ERC2: variants seen among roughly 807,000 people sequenced by gnomAD.
ERC2 encodes the protein ELKS/RAB6-interacting/CAST family member 2, also known as ERC protein 2.
A neutral mutation model predicts 114.8 loss-of-function variants in ERC2; 42 were observed. The observed-to-expected ratio is 0.37, with a 90% CI of 0.29 to 0.47. The LOEUF is 0.47. Among genes scored for constraint, ERC2 ranks in the 20% least tolerant of loss-of-function variants. ERC2 has a pLI of 0.99. For synonymous variants in ERC2, 454 were observed against 425.5 expected (o/e 1.07, Z -0.82); for missense variants, 939 against 1,150.7 (o/e 0.82, Z 2.66).
At chr3:55,782,133 C>T (rs969156092) in intron 14 of ERC2, among the ~76,000 whole-genome samples, 1 of 152,138 alleles carries the variant, frequency 6.6e-6, no homozygotes, top group Non-Finnish European at 1.5e-5. Flanking sequence ...CTTTCTCACA[C>T]CTTGGCTGGA....
In ERC2 at chr3:55,779,017, T is replaced by A. The variant is rs151260022; in HGVS notation, c.2565-44099A>T. Among the ~76,000 whole-genome samples the A allele has an allele frequency of 2.1e-4, 32 of 151,010 alleles. No individual in the cohort carries two copies. In the South Asian group the frequency reaches 2.3e-3, roughly 11 times the overall value. On this transcript the variant is annotated intron_variant, in intron 14 of 17. Transcript: ENST00000288221. The stretch of plus-strand genomic sequence containing the variant: ...GGACAATACTCTAGCAAAACAAAAA[T>A]AATAGGGAAGAGGCAGATAATCTAA...
At chr3:55,537,052 G>C (rs549269383) in intron 17 of ERC2, among the ~76,000 whole-genome samples, 1 of 152,274 alleles carries the variant, frequency 6.6e-6, no homozygotes, top group South Asian at 2.1e-4. Flanking sequence ...ATGCAAGGAG[G>C]GCTTTTCCCA....
chr3:56,434,183 G>GT, intron 2 of ERC2, 168 bp downstream of exon 2: 4 of 621,364 alleles, frequency 6.4e-6, no homozygotes, highest in Non-Finnish European at 1.1e-5. Flanking sequence ...AGCTGTAATG[G>GT]TATATTTCCT....
intron 14 of ERC2, among the ~76,000 whole-genome samples, chr3:55,850,845 A>AACACACACACACACACACACAC: frequency 7.9e-6 from 1 of 125,956 alleles, no homozygotes; most frequent in South Asian, 3.0e-4. Flanking sequence ...CTCTTTTTCA[A>AACACACACACACACACACACAC]ACACACACAC....
intron 13 of ERC2, among the ~76,000 whole-genome samples, chr3:55,899,114 G>A (rs868081459): frequency 6.6e-6 from 1 of 152,144 alleles, no homozygotes; most frequent in Non-Finnish European, 1.5e-5. Flanking sequence ...AGAACAATAT[G>A]AGAACATACC....
chr3:55,900,746 C>T (rs1226967487), intron 13 of ERC2, among the ~76,000 whole-genome samples: 3 of 152,160 alleles, frequency 2.0e-5, no homozygotes, highest in Admixed American at 6.5e-5. Flanking sequence ...CTGGCACAGC[C>T]TCTTCTCAAA....
chr3:55,969,454 A>G lies in ERC2; in HGVS notation c.2267+16523T>C, dbSNP rs2069002096. The stretch of plus-strand genomic sequence containing the variant: ...ACACACACCCTTCACCACTGTATAT[A>G]CAGGAAGAGAGAAGCCAGTATGACC... On this transcript the variant is annotated intron_variant, in intron 12 of 17. Transcript: ENST00000288221. 2.0e-5 allele frequency among the ~76,000 whole-genome samples: 3 copies of G among 152,024 alleles called. No homozygotes were observed. In the South Asian group the frequency reaches 6.2e-4, roughly 32 times the overall value.
intron 2 of ERC2, among the ~76,000 whole-genome samples, chr3:56,371,141 G>A (rs7644975): frequency 0.23 from 35,216 of 152,076 alleles, 4,660 homozygotes; most frequent in Non-Finnish European, 0.29. Context: ...GCCAGAGAAC[G>A]AAGAAAAGAA....
chr3:55,901,850 A>G (rs6774873), intron 13 of ERC2, among the ~76,000 whole-genome samples: 133,754 of 152,288 alleles, frequency 0.88, 58,859 homozygotes, highest in East Asian at 1. Context: ...TGTAAATGCC[A>G]TCTAGTCCCA....
intron 7 of ERC2, among the ~76,000 whole-genome samples, chr3:56,052,970 T>C (rs2075839198): frequency 6.6e-6 from 1 of 152,006 alleles, no homozygotes; most frequent in African/African-American, 2.4e-5. Context: ...TGAAGAAAGG[T>C]AGTCAGGTGG....
chr3:56,306,595 C>T (rs894561071), intron 2 of ERC2, among the ~76,000 whole-genome samples: 1 of 152,208 alleles, frequency 6.6e-6, no homozygotes, highest in African/African-American at 2.4e-5. Context: ...TCATGTGTAA[C>T]ATCAACAGGA....
At chr3:55,840,601 C>T (rs1040639318) in intron 14 of ERC2, among the ~76,000 whole-genome samples, 1 of 151,946 alleles carries the variant, frequency 6.6e-6, no homozygotes, top group Non-Finnish European at 1.5e-5. Flanking sequence ...CATACCCTAC[C>T]ATATGACTCA....
chr3:56,129,186 G>C (rs1276789596), intron 6 of ERC2, among the ~76,000 whole-genome samples: 1 of 152,164 alleles, frequency 6.6e-6, no homozygotes, highest in Non-Finnish European at 1.5e-5. Context: ...ATTTAAGAAA[G>C]ATAAAAGTTC....
intron 3 of ERC2, among the ~76,000 whole-genome samples, chr3:56,290,908 C>T (rs1024719633): frequency 7.0e-4 from 106 of 152,228 alleles, no homozygotes; most frequent in African/African-American, 2.4e-3. Context: ...GCAACTGTGG[C>T]CTGTAAAGAC....
chr3:56,176,245 G>A (rs1051422043), intron 3 of ERC2, among the ~76,000 whole-genome samples: 2 of 152,068 alleles, frequency 1.3e-5, no homozygotes, highest in Non-Finnish European at 2.9e-5. Flanking sequence ...ACCAATCCTA[G>A]TTCCAGAATA....
chr3:55,774,575 A>G (rs866577731), intron 14 of ERC2, among the ~76,000 whole-genome samples: 1 of 152,148 alleles, frequency 6.6e-6, no homozygotes, highest in Non-Finnish European at 1.5e-5. Context: ...ATTTGTATTC[A>G]TTCTGCAGGT....
At chr3:56,332,630 C>T (rs187800436) in intron 2 of ERC2, among the ~76,000 whole-genome samples, 1 of 152,330 alleles carries the variant, frequency 6.6e-6, no homozygotes, top group Non-Finnish European at 1.5e-5. Context: ...TCGAACCCTT[C>T]ATGGGCCAGT....
chr3:55,886,620 C>G (rs938957991), intron 14 of ERC2, among the ~76,000 whole-genome samples: 1 of 152,116 alleles, frequency 6.6e-6, no homozygotes, highest in Non-Finnish European at 1.5e-5. Context: ...TTTAATACTA[C>G]ACTATATTTT....
At chr3:56,289,169 C>A (rs2054918073) in intron 3 of ERC2, among the ~76,000 whole-genome samples, 1 of 152,084 alleles carries the variant, frequency 6.6e-6, no homozygotes, top group Non-Finnish European at 1.5e-5. Context: ...GCTGACAACC[C>A]TTGCCTGCCC....
Sources: allele counts gnomAD v4.1 joint callset (sites outside exome capture counted in the v4.1 genomes callset), GRCh38; gene constraint gnomAD v4.1.1; transcripts MANE v1.5; gene names NCBI Gene and HGNC (gene_info 2026-07-23, HGNC 2026-07-21).